ZMYND8: variants seen among roughly 807,000 people sequenced by gnomAD.
ZMYND8 encodes the protein MYND-type zinc finger-containing chromatin reader ZMYND8.
Under a neutral mutation model 140.8 loss-of-function variants are expected in ZMYND8, and 37 were observed. The observed-to-expected ratio is 0.26, with a 90% CI of 0.20 to 0.35. ZMYND8 has a LOEUF of 0.35. Among genes scored for constraint, ZMYND8 ranks in the 10% least tolerant of loss-of-function variants. The pLI, the probability that ZMYND8 is intolerant of heterozygous loss-of-function variation, is 1.00. For synonymous variants in ZMYND8, 592 were observed against 597.1 expected (o/e 0.99, Z 0.12); for missense variants, 1,068 against 1,570.0 (o/e 0.68, Z 5.40).
At chr20:47,287,001 C>CA (rs1457220987) in intron 8 of ZMYND8, among the ~76,000 whole-genome samples, 2 of 152,026 alleles carry the variant, frequency 1.3e-5, no homozygotes, top group African/African-American at 4.8e-5. Flanking sequence ...GGGTAAAAAA[C>CA]AAAAAATCCT....
intron 2 of ZMYND8, among the ~76,000 whole-genome samples, chr20:47,329,462 T>C (rs1047935786): frequency 4.6e-5 from 7 of 152,144 alleles, no homozygotes; most frequent in African/African-American, 1.7e-4. Flanking sequence ...TGGAGTGCAA[T>C]GGCGTGATCT....
intron 3 of ZMYND8, among the ~76,000 whole-genome samples, chr20:47,301,688 A>G (rs923727904): frequency 6.6e-6 from 1 of 152,144 alleles, no homozygotes; most frequent in Non-Finnish European, 1.5e-5. Context: ...TAAGTTTTTG[A>G]GCACTAACAT....
At chr20:47,284,230 A>G (rs1332661368) in intron 8 of ZMYND8, among the ~76,000 whole-genome samples, 1 of 152,116 alleles carries the variant, frequency 6.6e-6, no homozygotes, top group Non-Finnish European at 1.5e-5. Context: ...ACCCAGAGCC[A>G]CCTTTTATAG....
intron 14 of ZMYND8, among the ~76,000 whole-genome samples, chr20:47,244,574 A>G (rs1402446594): frequency 1.3e-5 from 2 of 152,104 alleles, no homozygotes; most frequent in Non-Finnish European, 2.9e-5. Flanking sequence ...GACTCAGGGG[A>G]TATTTGGCAA....
intron 2 of ZMYND8, among the ~76,000 whole-genome samples, chr20:47,324,291 T>C (rs1441040179): frequency 1.3e-5 from 2 of 150,224 alleles, no homozygotes; most frequent in East Asian, 3.9e-4. Context: ...CCAAGGCAGG[T>C]GGATCACCTG....
intron 1 of ZMYND8, 43 bp downstream of exon 1, chr20:47,356,614 T>G (rs1411519122): frequency 1.2e-6 from 2 of 1,613,720 alleles, no homozygotes; most frequent in Middle Eastern, 1.6e-4. Flanking sequence ...TTCGGATGTC[T>G]CAGAGGGAGG....
At chr20:47,214,414 C>T (rs950518258) in intron 21 of ZMYND8, among the ~76,000 whole-genome samples, 4 of 152,206 alleles carry the variant, frequency 2.6e-5, no homozygotes, top group African/African-American at 9.6e-5. Flanking sequence ...TTTTCTGCCA[C>T]TTTCTGACCA....
At chr20:47,350,244 G>C (rs964229704) in intron 1 of ZMYND8, among the ~76,000 whole-genome samples, 1 of 148,620 alleles carries the variant, frequency 6.7e-6, no homozygotes, top group Non-Finnish European at 1.5e-5. Flanking sequence ...AAAGGAACCC[G>C]TGCACACACA....
intron 11 of ZMYND8, among the ~76,000 whole-genome samples, chr20:47,275,004 GGAGA>G (rs138261572): frequency 5.9e-5 from 9 of 151,804 alleles, no homozygotes; most frequent in East Asian, 1.9e-4. Flanking sequence ...AGAGAGGGAG[GGAGA>G]GAGAGAGAGA....
chr20:47,227,228 C>T lies in ZMYND8; in HGVS notation c.2991G>A (p.Glu997=). ...IEKLQWLHQQ[E]LSEMKHNLEL... ...CTAAGTTGTGTTTCATTTCGGAGAG[C>T]TCTTGCTGGTGCAGCCACTGGAGCT... Residue 997 remains glutamate, a synonymous_variant, in exon 18 of 23, where the codon GAG becomes GAA. Transcript: ENST00000471951. The T allele has an allele frequency of 6.2e-7, 1 of 1,614,212 alleles. No homozygotes were observed. The highest frequency in any genetic ancestry group is 8.5e-7 in the Non-Finnish European group (1 of 1,180,030).
chr20:47,249,941 A>G (rs1283343738), intron 12 of ZMYND8, among the ~76,000 whole-genome samples: 1 of 152,042 alleles, frequency 6.6e-6, no homozygotes, highest in East Asian at 1.9e-4. Flanking sequence ...CAGAGGCTTC[A>G]TTTTTCATTC....
intron 5 of ZMYND8, among the ~76,000 whole-genome samples, chr20:47,293,751 G>C (rs1371233971): frequency 6.6e-6 from 1 of 152,142 alleles, no homozygotes; most frequent in Non-Finnish European, 1.5e-5. Context: ...GTTTTACTAT[G>C]TCATTGCCCA....
chr20:47,235,313 G>T (rs2039082378), intron 16 of ZMYND8, among the ~76,000 whole-genome samples: 1 of 152,124 alleles, frequency 6.6e-6, no homozygotes, highest in African/African-American at 2.4e-5. Flanking sequence ...TTACCACCGT[G>T]GTCTAATGAC....
In ZMYND8 at chr20:47,223,550, C is replaced by T. The variant is rs150717590; in HGVS notation, c.3256+767G>A. Among the ~76,000 whole-genome samples, 12 of 151,120 alleles carry T rather than the reference C, an allele frequency of 7.9e-5. No homozygotes were observed. The East Asian group carries it at 1.2e-3, about 15-fold the overall frequency. ...TTCATAAAATATTATTGATGCCAGGCGCTGTGGCTCACGCCTGTAATCCCA... is the reference window on the plus strand; with the variant it reads ...TTCATAAAATATTATTGATGCCAGGTGCTGTGGCTCACGCCTGTAATCCCA... On this transcript the variant is annotated intron_variant, in intron 19 of 22. Coordinates refer to ENST00000471951, the MANE Select transcript of ZMYND8 (RefSeq NM_001281775.3).
chr20:47,226,807 G>A (rs1333491948), intron 18 of ZMYND8, among the ~76,000 whole-genome samples: 1 of 152,068 alleles, frequency 6.6e-6, no homozygotes, highest in African/African-American at 2.4e-5. Context: ...CCACAGGAGC[G>A]CACCACCAGG....
At chr20:47,236,287 G>T in intron 16 of ZMYND8, 39 bp downstream of exon 16, 1 of 1,612,226 alleles carries the variant, frequency 6.2e-7, no homozygotes, top group Non-Finnish European at 8.5e-7. Context: ...ATCCTGCCAG[G>T]TGTCTGCCAT....
At chr20:47,333,857 G>A (rs1461324255) in intron 2 of ZMYND8, among the ~76,000 whole-genome samples, 1 of 149,120 alleles carries the variant, frequency 6.7e-6, no homozygotes, top group African/African-American at 2.5e-5. Flanking sequence ...GCAGTGAGCT[G>A]AGATAGTGCC....
intron 21 of ZMYND8, among the ~76,000 whole-genome samples, chr20:47,214,370 C>T (rs2146798679): frequency 6.6e-6 from 1 of 152,344 alleles, no homozygotes; most frequent in East Asian, 1.9e-4. Context: ...CTCACACTCT[C>T]AGAATCACTG....
intron 20 of ZMYND8, 119 bp from the exon 21 acceptor site, chr20:47,220,443 C>G (rs2036779745): frequency 1.2e-6 from 1 of 840,980 alleles, no homozygotes; most frequent in East Asian, 2.7e-5. Flanking sequence ...TCAGTGTCCT[C>G]TGCCTGGCAC....
Sources: allele counts gnomAD v4.1 joint callset (sites outside exome capture counted in the v4.1 genomes callset), GRCh38; gene constraint gnomAD v4.1.1; transcripts MANE v1.5; gene names NCBI Gene and HGNC (gene_info 2026-07-23, HGNC 2026-07-21).